PDK4: variants seen among roughly 807,000 people sequenced by gnomAD.
PDK4 encodes pyruvate dehydrogenase kinase 4.
Under a neutral mutation model 51.7 loss-of-function variants are expected in PDK4, and 43 were observed. The observed-to-expected ratio is 0.83, with a 90% CI of 0.65 to 1.07. The LOEUF (loss-of-function observed/expected upper bound fraction) is 1.07, where lower values mean the gene tolerates loss of function less well. Among genes scored for constraint, PDK4 ranks in the 50% least tolerant of loss-of-function variants. The probability of loss-of-function intolerance (pLI) is 0.00; values close to 1 mark genes in which losing one functional copy is unlikely to be tolerated. For synonymous variants in PDK4, 170 were observed against 176.6 expected, an observed-to-expected ratio of 0.96 and a Z score of 0.30; for missense variants, 498 against 503.5, an observed-to-expected ratio of 0.99 and a Z score of 0.10.
chr7:95,591,945 C>A, intron 6 of PDK4, 43 bp downstream of exon 6: 1 of 1,014,474 alleles, frequency 9.9e-7, no homozygotes. Flanking sequence ...TAGGAGAACA[C>A]AGAATTTTCC....
intron 7 of PDK4, among the ~76,000 whole-genome samples, chr7:95,589,273 C>CT (rs1374066256): frequency 1.3e-5 from 2 of 152,174 alleles, no homozygotes; most frequent in Non-Finnish European, 2.9e-5. Context: ...TAGGACCAGC[C>CT]TGTGGGGGTG....
chr7:95,590,188 G>A (rs1235626729), intron 6 of PDK4, among the ~76,000 whole-genome samples: 1 of 152,122 alleles, frequency 6.6e-6, no homozygotes, highest in East Asian at 1.9e-4. Flanking sequence ...CACAATTTCA[G>A]AGTCAAAATT....
In PDK4 at chr7:95,585,439, T is replaced by C. The variant is rs1179158328; in HGVS notation, c.*202A>G. The stretch of plus-strand genomic sequence containing the variant: ...ACATTAAAAAATAAGGAGCTGGCCA[T>C]CTGTTAACTCCTGTAGTCTTGCACT... On this transcript the variant is annotated 3_prime_UTR_variant, in exon 11 of 11. Transcript: ENST00000005178. 1 of 406,448 alleles carries C rather than the reference T, an allele frequency of 2.5e-6. No individual in the cohort carries two copies. Among genetic ancestry groups the C allele is most frequent in the East Asian group, 3.5e-5 (1 of 28,888 alleles). The allele number at this position is 406,448 out of a possible 1,614,324, so 25.2% of individuals were successfully genotyped here.
intron 6 of PDK4, among the ~76,000 whole-genome samples, chr7:95,590,316 GT>G (rs1376431886): frequency 6.6e-6 from 1 of 151,684 alleles, no homozygotes; most frequent in Non-Finnish European, 1.5e-5. Context: ...GATTTTTCTT[GT>G]TTTTTGTATC....
chr7:95,593,726 CT>C lies in PDK4; in HGVS notation c.316del (p.Ser106AlafsTer12). 6.4e-7 allele frequency: 1 copy of C among 1,562,756 alleles called. No homozygotes were observed. Among genetic ancestry groups the C allele is most frequent in the Non-Finnish European group, 8.8e-7 (1 of 1,133,528 alleles). On this transcript the variant is annotated frameshift_variant, in exon 3 of 11. Transcript: ENST00000005178. LOFTEE classifies it high-confidence loss of function. ...TGATAATGCTTTCTGGTCATCTGGGCTTTTCTCATGGAATTCCACCAAATCC... is the reference window on the plus strand; with the variant it reads ...TGATAATGCTTTCTGGTCATCTGGGCTTTCTCATGGAATTCCACCAAATCC... ...LMDLVEFHEKSPDDQKALSDF... is the reference protein window; with the variant it reads ...LMDLVEFHEKXPDDQKALSDF...
intron 6 of PDK4, among the ~76,000 whole-genome samples, chr7:95,591,291 G>A (rs1354728803): frequency 6.6e-6 from 1 of 152,124 alleles, no homozygotes; most frequent in Non-Finnish European, 1.5e-5. Flanking sequence ...TAAAACAATA[G>A]TGCAATTTTT....
At chr7:95,594,130 A>G (rs1724265662) in intron 2 of PDK4, among the ~76,000 whole-genome samples, 1 of 152,146 alleles carries the variant, frequency 6.6e-6, no homozygotes, top group Admixed American at 6.5e-5. Flanking sequence ...AGAAGAGTGT[A>G]AGTCTTGACT....
At chr7:95,592,988 C>A in intron 3 of PDK4, 44 bp from the exon 4 acceptor site, 3 of 1,350,274 alleles carry the variant, frequency 2.2e-6, no homozygotes, top group Non-Finnish European at 3.1e-6. Context: ...AAATACGTTT[C>A]ATTCACTTAT....
chr7:95,590,753 G>T (rs1330690515), intron 6 of PDK4, among the ~76,000 whole-genome samples: 1 of 152,186 alleles, frequency 6.6e-6, no homozygotes, highest in African/African-American at 2.4e-5. Context: ...TATTACTTGA[G>T]AAAGATGTTT....
rs1791470599 is a variant in PDK4, at chr7:95,585,560, A to T, written c.*81T>A. 1.6e-6 allele frequency: 2 copies of T among 1,242,366 alleles called. No homozygotes were observed. Among genetic ancestry groups the T allele is most frequent in the East Asian group, 4.7e-5 (2 of 42,144 alleles). The allele number at this position is 1,242,366 out of a possible 1,614,324, so 77.0% of individuals were successfully genotyped here. On this transcript the variant is annotated 3_prime_UTR_variant, in exon 11 of 11. Coordinates refer to ENST00000005178, the MANE Select transcript of PDK4 (RefSeq NM_002612.4). ...TGCTGTCGTTTGTTTTGGAGGAAACAAGGGTTCACACACAAACATTCAGGA... is the reference window on the plus strand; with the variant it reads ...TGCTGTCGTTTGTTTTGGAGGAAACTAGGGTTCACACACAAACATTCAGGA...
At position 95,592,081 on chromosome 7, in the gene PDK4, T is replaced by A. The variant is rs1791559449; in HGVS notation, c.617-16A>T. On this transcript the variant is annotated splice_polypyrimidine_tract_variant and intron_variant, in intron 5 of 10. Transcript: ENST00000005178. ...TCAAAGGCATCTGGAATAGAAGTTG[T>A]TTTTTATAACAATGAAATGAGTTTA... 1 of 1,499,394 alleles carries A rather than the reference T, an allele frequency of 6.7e-7. No individual in the cohort carries two copies. The highest frequency in any genetic ancestry group is 1.2e-5 in the South Asian group (1 of 81,568). The allele number at this position is 1,499,394 out of a possible 1,614,324, so 92.9% of individuals were successfully genotyped here. A position where few individuals can be genotyped will look rare whatever the true frequency, so the allele number is the denominator to read the frequency against.
intron 1 of PDK4, among the ~76,000 whole-genome samples, chr7:95,595,922 A>C (rs576248117): frequency 1.5e-4 from 23 of 152,262 alleles, no homozygotes; most frequent in African/African-American, 5.1e-4. Context: ...AAGAGTGTGC[A>C]GATGAAGTCA....
chr7:95,594,729 G>A (rs922196018), intron 2 of PDK4: 1 of 190,872 alleles, frequency 5.2e-6, no homozygotes, highest in Non-Finnish European at 1.1e-5. Flanking sequence ...ATTATTGAAA[G>A]TGCTCTTCTA....
intron 7 of PDK4, among the ~76,000 whole-genome samples, chr7:95,589,380 A>G (rs1791524201): frequency 6.6e-6 from 1 of 152,236 alleles, no homozygotes; most frequent in Non-Finnish European, 1.5e-5. Flanking sequence ...TGAAAAAATA[A>G]TAAGAACTTC....
chr7:95,589,365 G>T (rs1791523971), intron 7 of PDK4, among the ~76,000 whole-genome samples: 1 of 152,092 alleles, frequency 6.6e-6, no homozygotes, highest in South Asian at 2.1e-4. Context: ...TCTTTAATGG[G>T]CACCTGAAAA....
In PDK4 at chr7:95,585,559, C is replaced by A. The variant is rs2116708994; in HGVS notation, c.*82G>T. 2.2e-5 allele frequency: 26 copies of A among 1,206,464 alleles called. No homozygotes were observed. The highest frequency in any genetic ancestry group is 1.7e-5 in the Non-Finnish European group (15 of 870,396). The allele number at this position is 1,206,464 out of a possible 1,614,324, so 74.7% of individuals were successfully genotyped here. A position where few individuals can be genotyped will look rare whatever the true frequency, so the allele number is the denominator to read the frequency against. ...TTGCTGTCGTTTGTTTTGGAGGAAACAAGGGTTCACACACAAACATTCAGG... is the reference window on the plus strand; with the variant it reads ...TTGCTGTCGTTTGTTTTGGAGGAAAAAAGGGTTCACACACAAACATTCAGG... On this transcript the variant is annotated 3_prime_UTR_variant, in exon 11 of 11. Transcript: ENST00000005178.
rs1791440615 is a variant in PDK4, at chr7:95,583,527, A to G, written c.*2114T>C. Reference sequence around the variant, plus strand: ...TATCATCATAAAAAATATTTATTATAAAAAATTATCACATTTCTCTGTACA... The same window carrying G: ...TATCATCATAAAAAATATTTATTATGAAAAATTATCACATTTCTCTGTACA... On this transcript the variant is annotated 3_prime_UTR_variant, in exon 11 of 11. Coordinates refer to ENST00000005178, the MANE Select transcript of PDK4 (RefSeq NM_002612.4). 1 of 152,224 alleles carries G rather than the reference A, an allele frequency of 6.6e-6. No homozygotes were observed. Among genetic ancestry groups the G allele is most frequent in the African/African-American group, 2.4e-5 (1 of 41,470 alleles). 9.4% of individuals were successfully genotyped at this position (152,224 alleles called of 1,614,324 possible).
At chr7:95,593,518 C>T (rs1181862951) in intron 3 of PDK4, among the ~76,000 whole-genome samples, 181 bp downstream of exon 3, 1 of 152,156 alleles carries the variant, frequency 6.6e-6, no homozygotes, top group African/African-American at 2.4e-5. Flanking sequence ...CACTCAGCAT[C>T]ATTTTCAATG....
In PDK4 at chr7:95,587,400, C is replaced by T. The variant is rs1791498110; in HGVS notation, c.981+18G>A. ...AACTAGGTGGCTGAGATTAATTTAG[C>T]CATATAATTGTTCTTACCAAAGGAG... On this transcript the variant is annotated intron_variant, in intron 9 of 10. Coordinates refer to ENST00000005178, the MANE Select transcript of PDK4 (RefSeq NM_002612.4). 7.2e-7 allele frequency: 1 copy of T among 1,383,536 alleles called. No individual in the cohort carries two copies. The highest frequency in any genetic ancestry group is 2.3e-5 in the East Asian group (1 of 43,892). The allele number at this position is 1,383,536 out of a possible 1,614,324, so 85.7% of individuals were successfully genotyped here.
Sources: allele counts gnomAD v4.1 joint callset (sites outside exome capture counted in the v4.1 genomes callset), GRCh38; gene constraint gnomAD v4.1.1; transcripts MANE v1.5; gene names NCBI Gene and HGNC (gene_info 2026-07-23, HGNC 2026-07-21).